SMARCA4: variants seen among roughly 807,000 people sequenced by gnomAD.
SMARCA4 encodes SWI/SNF related BAF chromatin remodeling complex subunit ATPase 4, also known as SWI/SNF-related matrix-associated actin-dependent regulator of chromatin subfamily A member 4.
SMARCA4 carries 31 observed loss-of-function variants against 193.9 expected under a neutral mutation model. That is an observed-to-expected ratio of 0.16 (90% confidence interval 0.12 to 0.22). The LOEUF (loss-of-function observed/expected upper bound fraction) is 0.22. Ranked by LOEUF, SMARCA4 falls within the 10% of genes least tolerant of loss-of-function variation. SMARCA4 has a pLI of 1.00. For missense variants in SMARCA4, 1,148 were observed against 2,296.0 expected, an observed-to-expected ratio of 0.50 and a Z score of 10.22; for synonymous variants, 942 against 933.1, an observed-to-expected ratio of 1.01 and a Z score of -0.17.
At chr19:11,049,929 C>T (rs978284905) in intron 30 of SMARCA4, among the ~76,000 whole-genome samples, 2 of 152,158 alleles carry the variant, frequency 1.3e-5, no homozygotes, top group Admixed American at 6.5e-5. Context: ...TGGCAAAAAC[C>T]CCGTCTCTAT....
At chr19:10,980,196 T>C (rs2085450948) in intron 1 of SMARCA4, among the ~76,000 whole-genome samples, 1 of 152,154 alleles carries the variant, frequency 6.6e-6, no homozygotes, top group South Asian at 2.1e-4. Flanking sequence ...GAAATGAATT[T>C]GCGGATGCTG....
chr19:11,036,421 G>C (rs940741872), intron 29 of SMARCA4, among the ~76,000 whole-genome samples: 1 of 152,108 alleles, frequency 6.6e-6, no homozygotes, highest in Non-Finnish European at 1.5e-5. Flanking sequence ...CAACACGCCT[G>C]GCTAATTTTA....
intron 9 of SMARCA4, chr19:10,995,862 T>TG (rs1381445923): frequency 5.1e-6 from 2 of 391,352 alleles, no homozygotes; most frequent in Non-Finnish European, 4.9e-6. Context: ...CTTAGAAAGG[T>TG]GGGGGGCTGC....
Position 11,034,878 on chromosome 19 carries a change from T to C in SMARCA4, c.3952-36T>C. ...CTCTAGCGTGCCCCTGGTGCCTGCA[T>C]GCTGATGCCTCTCCCGTTGCCTCCC... On this transcript the variant is annotated intron_variant, in intron 28 of 34. Coordinates refer to ENST00000344626, the MANE Select transcript of SMARCA4 (RefSeq NM_003072.5). The surrounding 1 kb of genome is among the most constrained non-coding windows in gnomAD (Gnocchi z 7.0). 10 of 1,437,462 alleles carry C rather than the reference T, an allele frequency of 7.0e-6. No individual in the cohort carries two copies. The highest frequency in any genetic ancestry group is 9.5e-6 in the Non-Finnish European group (10 of 1,048,762). 89.0% of individuals were successfully genotyped at this position (1,437,462 alleles called of 1,614,324 possible).
rs778654099 is a variant in SMARCA4, at chr19:11,033,490, C to T, written c.3747C>T (p.Ala1249=). 36 of 1,613,182 alleles carry T rather than the reference C, an allele frequency of 2.2e-5. No homozygotes were observed. The South Asian group carries it at 3.8e-4, about 17-fold the overall frequency. Residue 1249 remains alanine (A), a synonymous_variant, in exon 26 of 35, where the codon GCC becomes GCT. Transcript: ENST00000344626. This position sits in a 1 kb window ranked among gnomAD's most constrained non-coding sequence, Gnocchi z 9.8. The part of the protein sequence containing the change: ...SSHERRAFLQ[A]ILEHEEQDES... ...ATGAGCGGCGCGCCTTCCTGCAGGC[C>T]ATCCTGGAGCACGAGGAGCAGGATG...
At chr19:10,997,841 T>A (rs943708516) in intron 11 of SMARCA4, among the ~76,000 whole-genome samples, 1 of 152,168 alleles carries the variant, frequency 6.6e-6, no homozygotes, top group Admixed American at 6.6e-5. Context: ...ATGTAATTCA[T>A]TATCTACTTC....
intron 6 of SMARCA4, among the ~76,000 whole-genome samples, chr19:10,988,430 A>G (rs1014866837): frequency 3.3e-5 from 5 of 152,128 alleles, no homozygotes; most frequent in African/African-American, 1.2e-4. Context: ...TATGATTGAT[A>G]TCAGATCTAC....
chr19:11,051,423 G>A (rs1462770682), intron 30 of SMARCA4, among the ~76,000 whole-genome samples: 1 of 152,018 alleles, frequency 6.6e-6, no homozygotes, highest in Non-Finnish European at 1.5e-5. Context: ...CCCCTGCCTT[G>A]AGGAGGCCCT....
chr19:11,054,821 G>C (rs1377771398), intron 30 of SMARCA4, among the ~76,000 whole-genome samples: 3 of 152,114 alleles, frequency 2.0e-5, no homozygotes, highest in African/African-American at 4.8e-5. Context: ...GGGGTCAGAG[G>C]AGGTGATGTT....
At chr19:10,965,970 G>GTTTTTTTTTTTTT (rs372236923) in intron 1 of SMARCA4, among the ~76,000 whole-genome samples, 2 of 78,934 alleles carry the variant, frequency 2.5e-5, no homozygotes, top group African/African-American at 9.4e-5. Flanking sequence ...TAGTGGCATG[G>GTTTTTTTTTTTTT]TTTTTTTTTT....
At chr19:11,007,814 C>A (rs2146185503) in intron 13 of SMARCA4, 88 bp from the exon 14 acceptor site, 1 of 1,433,420 alleles carries the variant, frequency 7.0e-7, no homozygotes, top group Non-Finnish European at 9.8e-7. Flanking sequence ...AAGAAGATCA[C>A]TTGCTTCTGA....
intron 1 of SMARCA4, among the ~76,000 whole-genome samples, chr19:10,963,550 A>G (rs976015320): frequency 6.6e-6 from 1 of 151,966 alleles, no homozygotes; most frequent in Non-Finnish European, 1.5e-5. Flanking sequence ...GGGTGGTGGT[A>G]AGGAGTACTC....
At chr19:10,995,969 A>G (rs1407155438) in intron 9 of SMARCA4, 1 of 591,362 alleles carries the variant, frequency 1.7e-6, no homozygotes, top group African/African-American at 1.8e-5. Context: ...GGACTGGCTC[A>G]TGGCCTCTGT....
At position 11,013,086 on chromosome 19, in the gene SMARCA4, G is replaced by T. The variant is rs748763687; in HGVS notation, c.2412G>T (p.Gly804=). Residue 804 remains glycine (G), a synonymous_variant, in exon 16 of 35, where the codon GGG becomes GGT. Transcript: ENST00000344626. The part of the protein sequence containing the change: ...TYLMEHKRIN[G]PFLIIVPLST... Reference sequence around the variant, plus strand: ...TCATGGAGCACAAACGCATCAATGGGCCCTTCCTCATCATCGTGCCTCTCT... The same window carrying T: ...TCATGGAGCACAAACGCATCAATGGTCCCTTCCTCATCATCGTGCCTCTCT... 1.7e-5 allele frequency: 27 copies of T among 1,613,922 alleles called. No individual in the cohort carries two copies. The East Asian group carries it at 5.6e-4, about 33-fold the overall frequency.
chr19:11,046,580 T>C (rs962367512), intron 30 of SMARCA4, among the ~76,000 whole-genome samples: 1 of 152,206 alleles, frequency 6.6e-6, no homozygotes, highest in African/African-American at 2.4e-5. Context: ...ACAGCAGGCG[T>C]GGGTCTGTCC....
intron 1 of SMARCA4, among the ~76,000 whole-genome samples, chr19:10,961,895 T>G (rs1022981703): frequency 2.0e-5 from 3 of 152,196 alleles, no homozygotes; most frequent in African/African-American, 7.2e-5. Flanking sequence ...CAATTGGTTT[T>G]TCAGATTAAG....
intron 30 of SMARCA4, among the ~76,000 whole-genome samples, chr19:11,050,280 C>G (rs967531677): frequency 6.6e-6 from 1 of 152,238 alleles, no homozygotes; most frequent in Non-Finnish European, 1.5e-5. Flanking sequence ...AGCTCTGGCC[C>G]CACCAGGCGG....
At position 11,007,932 on chromosome 19, in the gene SMARCA4, C is replaced by T. The variant is rs1555771571; in HGVS notation, c.2032C>T (p.Gln678Ter). The change falls in exon 14 of 35, where the codon CAG (glutamine) becomes TAG (stop). Residue 678 changes from glutamine (Q) to a stop codon, truncating the protein, a stop_gained. Transcript: ENST00000344626. LOFTEE classifies it high-confidence loss of function. Reference sequence around the variant, plus strand: ...GGAGGAAGAGCAGCCGCAGGCAGCACAGCCTCCCACCCTGCCCGTGGAGGA... The same window carrying T: ...GGAGGAAGAGCAGCCGCAGGCAGCATAGCCTCCCACCCTGCCCGTGGAGGA... ...EEEEEQPQAA[Q>*]PPTLPVEEKK... The T allele has an allele frequency of 6.2e-7, 1 of 1,613,722 alleles. No homozygotes were observed. Among genetic ancestry groups the T allele is most frequent in the South Asian group, 1.1e-5 (1 of 91,062 alleles).
chr19:10,971,504 T>C (rs1471805093), intron 1 of SMARCA4, among the ~76,000 whole-genome samples: 4 of 145,036 alleles, frequency 2.8e-5, no homozygotes, highest in East Asian at 4.1e-4. Flanking sequence ...TTTTTTTTTT[T>C]TTCTCTTTGA....
Sources: allele counts gnomAD v4.1 joint callset (sites outside exome capture counted in the v4.1 genomes callset), GRCh38; gene constraint gnomAD v4.1.1; non-coding constraint Gnocchi (gnomAD v3.1); transcripts MANE v1.5; gene names NCBI Gene and HGNC (gene_info 2026-07-23, HGNC 2026-07-21).